The following ARHGAP22 variants were observed in gnomAD, a reference collection of about 807,000 sequenced individuals.
ARHGAP22 encodes the protein rho GTPase-activating protein 22.
ARHGAP22 carries 48 observed loss-of-function variants against 59.1 expected under a neutral mutation model. The observed-to-expected ratio is 0.81, with a 90% CI of 0.64 to 1.03. ARHGAP22 has a LOEUF of 1.03. Among genes scored for constraint, ARHGAP22 ranks in the 50% least tolerant of loss-of-function variants. The pLI is 0.00. For missense variants in ARHGAP22, 1,015 were observed against 958.7 expected, an observed-to-expected ratio of 1.06 and a Z score of -0.78; for synonymous variants, 445 against 416.4, an observed-to-expected ratio of 1.07 and a Z score of -0.84.
At chr10:48,621,778 T>A (rs575767925) in intron 1 of ARHGAP22, among the ~76,000 whole-genome samples, 1 of 152,354 alleles carries the variant, frequency 6.6e-6, no homozygotes, top group South Asian at 2.1e-4. Context: ...GTTGCACCAT[T>A]TATTTCTCTC....
intron 1 of ARHGAP22, among the ~76,000 whole-genome samples, chr10:48,595,943 T>A (rs541997598): frequency 2.0e-5 from 3 of 152,282 alleles, no homozygotes; most frequent in African/African-American, 7.2e-5. Context: ...CTAGAGCCAA[T>A]AAGGTGCACA....
Position 48,446,284 on chromosome 10 carries a change from C to A in ARHGAP22, c.*107G>T. 2 of 1,193,892 alleles carry A rather than the reference C, an allele frequency of 1.7e-6. No homozygotes were observed. The highest frequency in any genetic ancestry group is 3.0e-5 in the South Asian group (2 of 67,034). The allele number at this position is 1,193,892 out of a possible 1,614,324, so 74.0% of individuals were successfully genotyped here. A position where few individuals can be genotyped will look rare whatever the true frequency, so the allele number is the denominator to read the frequency against. Reference sequence around the variant, plus strand: ...AGAGGTATCAGGATCTCTCTCTCTCCAGCTGGCTCCAGAGCGCCTGGCTGC... The same window carrying A: ...AGAGGTATCAGGATCTCTCTCTCTCAAGCTGGCTCCAGAGCGCCTGGCTGC... On this transcript the variant is annotated 3_prime_UTR_variant, in exon 10 of 10. Transcript: ENST00000249601.
chr10:48,431,303 A>T, the ARHGAP22 span: 2 of 1,443,082 alleles, frequency 1.4e-6, no homozygotes, highest in East Asian at 2.3e-5. Flanking sequence ...TTAAGATTAC[A>T]GTTTACTTCT....
intron 1 of ARHGAP22, among the ~76,000 whole-genome samples, chr10:48,627,357 G>A (rs1195437421): frequency 1.3e-5 from 2 of 152,216 alleles, no homozygotes. Context: ...GGTCTTGTGG[G>A]ACGGAGCCCT....
At chr10:48,434,075 C>T in the ARHGAP22 span, among the ~76,000 whole-genome samples, 1 of 152,198 alleles carries the variant, frequency 6.6e-6, no homozygotes, top group Non-Finnish European at 1.5e-5. Context: ...AAACCAATCC[C>T]CTTGAGAGGA....
chr10:48,453,567 C>G, intron 7 of ARHGAP22, 142 bp from the exon 8 acceptor site: 1 of 1,286,364 alleles, frequency 7.8e-7, no homozygotes, highest in Non-Finnish European at 1.1e-6. Context: ...CTGCCTCTGC[C>G]AGGCTCGATG....
chr10:48,504,498 G>A (rs1342709995), intron 3 of ARHGAP22, among the ~76,000 whole-genome samples: 2 of 152,204 alleles, frequency 1.3e-5, no homozygotes, highest in African/African-American at 4.8e-5. Flanking sequence ...ACAGAAATGG[G>A]GTGGGTCAGG....
chr10:48,541,991 G>A (rs2055995814), intron 3 of ARHGAP22, among the ~76,000 whole-genome samples: 1 of 152,232 alleles, frequency 6.6e-6, no homozygotes, highest in East Asian at 1.9e-4. Flanking sequence ...ACAGGAGAAG[G>A]CTGTAGGGCA....
At chr10:48,622,986 A>C (rs2061334716) in intron 1 of ARHGAP22, among the ~76,000 whole-genome samples, 1 of 152,240 alleles carries the variant, frequency 6.6e-6, no homozygotes, top group Non-Finnish European at 1.5e-5. Context: ...GCTTATTCTC[A>C]GAATATTTTA....
chr10:48,489,196 G>C (rs898604979), intron 3 of ARHGAP22, among the ~76,000 whole-genome samples: 1 of 151,830 alleles, frequency 6.6e-6, no homozygotes, highest in Non-Finnish European at 1.5e-5. Flanking sequence ...CATGCCTAAG[G>C]GCCTACTCTA....
intron 2 of ARHGAP22, among the ~76,000 whole-genome samples, chr10:48,559,931 G>A (rs113751384): frequency 1.0e-3 from 155 of 152,162 alleles, no homozygotes; most frequent in Admixed American, 1.4e-3. Context: ...TCTGTATTTC[G>A]ATCTTATCAA....
At chr10:48,435,815 A>C in the ARHGAP22 span, 1 of 152,382 alleles carries the variant, frequency 6.6e-6, no homozygotes, top group East Asian at 1.9e-4. Flanking sequence ...ATGATCACAT[A>C]AAGGCAAGAG....
At chr10:48,475,948 GC>G (rs905621544) in intron 4 of ARHGAP22, among the ~76,000 whole-genome samples, 7 of 152,142 alleles carry the variant, frequency 4.6e-5, no homozygotes, top group African/African-American at 4.8e-5. Context: ...TCCGGGATGG[GC>G]CCCCTACCTC....
chr10:48,600,955 G>C (rs2060345511), intron 1 of ARHGAP22, among the ~76,000 whole-genome samples: 1 of 152,160 alleles, frequency 6.6e-6, no homozygotes, highest in Non-Finnish European at 1.5e-5. Flanking sequence ...CCACAGCCTG[G>C]ATGCACCCTT....
At chr10:48,468,690 T>TTTTTAAAAGA (rs1443527545) in intron 4 of ARHGAP22, among the ~76,000 whole-genome samples, 3 of 152,216 alleles carry the variant, frequency 2.0e-5, no homozygotes, top group Non-Finnish European at 4.4e-5. Context: ...TTCATGTTCA[T>TTTTTAAAAGA]TTTTTAAAAG....
At chr10:48,505,728 T>C (rs2052045290) in intron 3 of ARHGAP22, among the ~76,000 whole-genome samples, 1 of 152,124 alleles carries the variant, frequency 6.6e-6, no homozygotes. Context: ...CGGCTTCTCC[T>C]GGCTGGGATG....
At chr10:48,502,012 T>C (rs938820726) in intron 3 of ARHGAP22, among the ~76,000 whole-genome samples, 2 of 152,178 alleles carry the variant, frequency 1.3e-5, no homozygotes, top group African/African-American at 2.4e-5. Context: ...TGATTGAAGA[T>C]TGTGTTTATT....
chr10:48,597,818 GC>G (rs1224559618), intron 1 of ARHGAP22, among the ~76,000 whole-genome samples: 1 of 152,184 alleles, frequency 6.6e-6, no homozygotes, highest in Non-Finnish European at 1.5e-5. Flanking sequence ...TTTTCTGCCT[GC>G]CTATGAGCCA....
intron 6 of ARHGAP22, among the ~76,000 whole-genome samples, chr10:48,454,482 A>G (rs768089369): frequency 1.6e-4 from 24 of 152,146 alleles, no homozygotes; most frequent in Non-Finnish European, 2.9e-4. Context: ...CATCTCCCAC[A>G]TGGCCGCAGG....
Sources: gnomAD v4.1 joint callset for allele counts (sites outside exome capture counted in the v4.1 genomes callset) on GRCh38, gnomAD v4.1.1 for gene constraint, MANE v1.5 for transcripts, NCBI Gene and HGNC (gene_info 2026-07-23, HGNC 2026-07-21) for gene names.